TSBP1: variants seen among roughly 807,000 people sequenced by gnomAD.
TSBP1 encodes the protein testis-expressed basic protein 1.
In TSBP1, 56 loss-of-function variants were observed where a neutral mutation model predicts 68.8. That is an observed-to-expected ratio of 0.81 (90% confidence interval 0.66 to 1.02). The LOEUF (loss-of-function observed/expected upper bound fraction) is 1.02, where lower values mean the gene tolerates loss of function less well. Among genes scored for constraint, TSBP1 ranks in the 50% least tolerant of loss-of-function variants. The pLI is 0.00. For synonymous variants in TSBP1, 171 were observed against 208.7 expected, an observed-to-expected ratio of 0.82 and a Z score of 1.56; for missense variants, 502 against 641.2, an observed-to-expected ratio of 0.78 and a Z score of 2.34.
intron 3 of TSBP1, among the ~76,000 whole-genome samples, chr6:32,368,411 G>A (rs1334281126): frequency 6.6e-6 from 1 of 151,976 alleles, no homozygotes; most frequent in African/African-American, 2.4e-5. Context: ...TATATTTTTT[G>A]GTCCGGCCAC....
intron 8 of TSBP1, among the ~76,000 whole-genome samples, chr6:32,353,920 CAAA>C (rs1172265620): frequency 6.6e-6 from 1 of 151,798 alleles, no homozygotes. Context: ...AAACAATTAA[CAAA>C]GCCCCATTTG....
At chr6:32,331,210 C>T (rs1768975750) in intron 15 of TSBP1, among the ~76,000 whole-genome samples, 1 of 151,878 alleles carries the variant, frequency 6.6e-6, no homozygotes, top group Non-Finnish European at 1.5e-5. Flanking sequence ...TTTCCATATT[C>T]CCCCAGTGTT....
rs1232865523 is a variant in TSBP1 at position 32,304,914 on chromosome 6, T to C, written c.581-2285A>G. 6.6e-6 allele frequency among the ~76,000 whole-genome samples: 1 copy of C among 152,240 alleles called. No individual in the cohort carries two copies. Among genetic ancestry groups the C allele is most frequent in the Non-Finnish European group, 1.5e-5 (1 of 68,050 alleles). On this transcript the variant is annotated intron_variant, in intron 19 of 22. Coordinates refer to ENST00000612031, the Ensembl canonical transcript of TSBP1. This position sits in a 1 kb window ranked among gnomAD's most constrained non-coding sequence, Gnocchi z 4.8. ...TTTCAGTCTCTAATCTCAAAATATCTGTTCTCTTCTTCACCATTCATTGTA... is the reference window on the plus strand; with the variant it reads ...TTTCAGTCTCTAATCTCAAAATATCCGTTCTCTTCTTCACCATTCATTGTA...
chr6:32,294,554 T>G (rs1764501815), intron 22 of TSBP1, among the ~76,000 whole-genome samples: 3 of 152,244 alleles, frequency 2.0e-5, no homozygotes, highest in Non-Finnish European at 4.4e-5. Flanking sequence ...ATGTATTAAA[T>G]CATTTGATAC....
chr6:32,298,232 C>T (rs1470600924), intron 22 of TSBP1, among the ~76,000 whole-genome samples: 1 of 151,958 alleles, frequency 6.6e-6, no homozygotes, highest in Non-Finnish European at 1.5e-5. Context: ...GGGATGTTGG[C>T]GCATTATAAT....
At chr6:32,317,360 A>C (rs1324197237) in intron 18 of TSBP1, among the ~76,000 whole-genome samples, 1 of 152,230 alleles carries the variant, frequency 6.6e-6, no homozygotes, top group Non-Finnish European at 1.5e-5. Context: ...AAACCCTGGA[A>C]GACCACCTAG....
intron 22 of TSBP1, among the ~76,000 whole-genome samples, chr6:32,297,886 C>A (rs554186706): frequency 1.3e-5 from 2 of 151,714 alleles, no homozygotes; most frequent in South Asian, 4.2e-4. Flanking sequence ...TAGTGAGACC[C>A]CATCTCTATT....
chr6:32,362,029 G>A (rs1773086092), intron 6 of TSBP1, among the ~76,000 whole-genome samples: 1 of 152,066 alleles, frequency 6.6e-6, no homozygotes, highest in Non-Finnish European at 1.5e-5. Context: ...GGTGGCTCAA[G>A]CCTGTAATCC....
chr6:32,315,739 C>A lies in TSBP1; in HGVS notation c.580+33G>T. 7.0e-7 allele frequency: 1 copy of A among 1,426,682 alleles called. No homozygotes were observed. The highest frequency in any genetic ancestry group is 1.3e-5 in the South Asian group (1 of 77,044). The allele number at this position is 1,426,682 out of a possible 1,614,324, so 88.4% of individuals were successfully genotyped here. A position where few individuals can be genotyped will look rare whatever the true frequency, so the allele number is the denominator to read the frequency against. ...AGTGGAAACATCTAACATAAATCTC[C>A]ACATATGACCAGCTGAGAAATAAAG... On this transcript the variant is annotated intron_variant, in intron 19 of 22. Transcript: ENST00000612031. The surrounding 1 kb of genome is among the most constrained non-coding windows in gnomAD (Gnocchi z 5.4).
chr6:32,296,245 A>G (rs1313804607), intron 22 of TSBP1, among the ~76,000 whole-genome samples: 22 of 144,562 alleles, frequency 1.5e-4, no homozygotes, highest in Admixed American at 1.5e-3. Context: ...TAACTTCAGA[A>G]TTTTATCAAT....
intron 19 of TSBP1, among the ~76,000 whole-genome samples, chr6:32,312,290 T>A: frequency 6.6e-6 from 1 of 152,230 alleles, no homozygotes; most frequent in South Asian, 2.1e-4. Flanking sequence ...AAATCCATCC[T>A]CTCAGCCTCA....
chr6:32,313,719 C>CT (rs1218753734), intron 19 of TSBP1, among the ~76,000 whole-genome samples: 3 of 152,094 alleles, frequency 2.0e-5, no homozygotes, highest in Non-Finnish European at 1.5e-5. Flanking sequence ...TCCTAACTTC[C>CT]TGGGTACACT....
At position 32,338,070 on chromosome 6, in the gene TSBP1, T is replaced by C. The variant is rs1466752398; in HGVS notation, c.409+909A>G. Among the ~76,000 whole-genome samples the C allele has an allele frequency of 6.6e-6, 1 of 152,226 alleles. No homozygotes were observed. The highest frequency in any genetic ancestry group is 1.5e-5 in the Non-Finnish European group (1 of 68,038). ...AGTTTCATCTTTCTTGTCTTTGGCTTTAAGGTCACTCTTGGTGTGGGGAAT... is the reference window on the plus strand; with the variant it reads ...AGTTTCATCTTTCTTGTCTTTGGCTCTAAGGTCACTCTTGGTGTGGGGAAT... On this transcript the variant is annotated intron_variant, in intron 11 of 22. Coordinates refer to ENST00000612031, the Ensembl canonical transcript of TSBP1. This position sits in a 1 kb window ranked among gnomAD's most constrained non-coding sequence, Gnocchi z 5.5.
In TSBP1 at chr6:32,325,316, AT is replaced by A; in HGVS notation, c.515-1703del. 3.8e-6 allele frequency: 5 copies of A among 1,325,030 alleles called. No homozygotes were observed. Among genetic ancestry groups the A allele is most frequent in the Non-Finnish European group, 5.3e-6 (5 of 937,734 alleles). The allele number at this position is 1,325,030 out of a possible 1,614,324, so 82.1% of individuals were successfully genotyped here. A position where few individuals can be genotyped will look rare whatever the true frequency, so the allele number is the denominator to read the frequency against. On this transcript the variant is annotated intron_variant, in intron 16 of 22. Coordinates refer to ENST00000612031, the Ensembl canonical transcript of TSBP1. The surrounding 1 kb of genome is among the most constrained non-coding windows in gnomAD (Gnocchi z 4.4). ...ACAACTGATGAGAGCCTGAGGAGCC[AT>A]TTTGAGCAGTGAGGGACACTCCCGG...
rs572406332 is a variant in TSBP1, at chr6:32,304,992, G to A, written c.581-2363C>T. 6.6e-6 allele frequency among the ~76,000 whole-genome samples: 1 copy of A among 152,042 alleles called. No individual in the cohort carries two copies. Among genetic ancestry groups the A allele is most frequent in the Non-Finnish European group, 1.5e-5 (1 of 67,998 alleles). ...TTTACTTACTCTTTGCCTTACTGTG[G>A]CAGGGCAGGTCTCGCTAACGCAGGC... On this transcript the variant is annotated intron_variant, in intron 19 of 22. Transcript: ENST00000612031. The surrounding 1 kb of genome is among the most constrained non-coding windows in gnomAD (Gnocchi z 4.8).
intron 19 of TSBP1, among the ~76,000 whole-genome samples, chr6:32,310,784 T>A (rs1261965999): frequency 1.3e-5 from 2 of 149,214 alleles, no homozygotes; most frequent in Non-Finnish European, 3.0e-5. Context: ...TTAGAAAGGA[T>A]AGTCTTTCTT....
chr6:32,293,078 C>T (rs1434701006), exon 23 of TSBP1: 44 of 1,611,788 alleles, frequency 2.7e-5, no homozygotes, highest in Non-Finnish European at 3.7e-5. Flanking sequence ...TTCTCTCTTT[C>T]CTTTAACTTT....
chr6:32,332,447 T>G (rs1354577087), intron 14 of TSBP1, among the ~76,000 whole-genome samples: 2 of 152,218 alleles, frequency 1.3e-5, no homozygotes, highest in Non-Finnish European at 2.9e-5. Context: ...TCTGATCAAC[T>G]AATATGTTCC....
chr6:32,293,780 G>GT lies in TSBP1; in HGVS notation c.892_893insA (p.Ala298AspfsTer15). 1 of 1,612,880 alleles carries GT rather than the reference G, an allele frequency of 6.2e-7. No individual in the cohort carries two copies. The highest frequency in any genetic ancestry group is 8.5e-7 in the Non-Finnish European group (1 of 1,179,966). On this transcript the variant is annotated frameshift_variant, in exon 23 of 23. Transcript: ENST00000612031. LOFTEE classifies it low-confidence loss of function (END_TRUNC). ...GGTTTCCTGTCTTTTTGGTATTCCA[G>GT]CGTCACTGTCTACCTTGACCTCCAT...
Sources: gnomAD v4.1 joint callset for allele counts (sites outside exome capture counted in the v4.1 genomes callset) on GRCh38, gnomAD v4.1.1 for gene constraint, Gnocchi (gnomAD v3.1) non-coding constraint, MANE v1.5 for transcripts, NCBI Gene and HGNC (gene_info 2026-07-23, HGNC 2026-07-21) for gene names.